Variants in MYO16 observed in about 807,000 individuals in gnomAD.
The protein encoded by MYO16 is myosin XVI, also known as unconventional myosin-XVI.
MYO16 carries 94 observed loss-of-function variants against 205.3 expected under a neutral mutation model. The ratio of observed to expected loss-of-function variants is 0.46; its 90% CI spans 0.39 to 0.54. The LOEUF (loss-of-function observed/expected upper bound fraction) is 0.54, where lower values mean the gene tolerates loss of function less well. Ranked by LOEUF, MYO16 falls within the 20% of genes least tolerant of loss-of-function variation. The pLI is 0.00. For synonymous variants in MYO16, 988 were observed against 954.0 expected (o/e 1.04, Z -0.66); for missense variants, 2,315 against 2,387.5 (o/e 0.97, Z 0.63).
At chr13:108,573,834 T>A in the MYO16 span, among the ~76,000 whole-genome samples, 2 of 152,142 alleles carry the variant, frequency 1.3e-5, no homozygotes, top group African/African-American at 4.8e-5. Flanking sequence ...TCATGAGCCC[T>A]GATGGTTGGA....
Position 108,881,635 on chromosome 13 carries a change from A to G in MYO16, c.1426-1424A>G, listed in dbSNP as rs370415783. On this transcript the variant is annotated intron_variant, in intron 12 of 34. Coordinates refer to ENST00000457511, the MANE Select transcript of MYO16 (RefSeq NM_001198950.3). ...TGGAGCTGAAAACCATGGCACGAGA[A>G]CTACGTGACTCATGCACAAGCTTCA... Among the ~76,000 whole-genome samples, 10 of 152,332 alleles carry G rather than the reference A, an allele frequency of 6.6e-5. No homozygotes were observed. The South Asian group carries it at 1.0e-3, about 16-fold the overall frequency.
chr13:108,850,303 G>A (rs1336394108), intron 10 of MYO16, among the ~76,000 whole-genome samples: 1 of 152,174 alleles, frequency 6.6e-6, no homozygotes, highest in Admixed American at 6.5e-5. Flanking sequence ...AGACAACATG[G>A]TAAAGCCCAT....
chr13:109,100,123 G>C (rs1888914583), intron 27 of MYO16, among the ~76,000 whole-genome samples: 1 of 152,020 alleles, frequency 6.6e-6, no homozygotes, highest in Non-Finnish European at 1.5e-5. Context: ...AAGTGCAAAG[G>C]GAATTTTACA....
chr13:109,164,422 C>T (rs531591181), intron 32 of MYO16, among the ~76,000 whole-genome samples: 3 of 152,194 alleles, frequency 2.0e-5, no homozygotes, highest in East Asian at 3.9e-4. Context: ...ATGCGGAAGT[C>T]GAGTATTGAA....
Position 109,055,268 on chromosome 13 carries a change from C to CAT in MYO16, c.3130-121_3130-120insTA, listed in dbSNP as rs976802649. 1.0e-6 allele frequency: 1 copy of CAT among 955,258 alleles called. No individual in the cohort carries two copies. The highest frequency in any genetic ancestry group is 1.6e-6 in the Non-Finnish European group (1 of 636,776). 59.2% of individuals were successfully genotyped at this position (955,258 alleles called of 1,614,324 possible). On this transcript the variant is annotated intron_variant, in intron 26 of 34. Coordinates refer to ENST00000457511, the MANE Select transcript of MYO16 (RefSeq NM_001198950.3). The surrounding 1 kb of genome is among the most constrained non-coding windows in gnomAD (Gnocchi z 5.0). ...ACATACACACACACACACACACACA[C>CAT]ACACACAGAGTAAATGCATAATGAG...
At chr13:108,580,694 C>G in the MYO16 span, among the ~76,000 whole-genome samples, 5 of 152,182 alleles carry the variant, frequency 3.3e-5, no homozygotes, top group African/African-American at 1.2e-4. Context: ...AAGCTCACAT[C>G]TCTACAGGTG....
chr13:108,766,116 A>C (rs1885769624), intron 4 of MYO16, among the ~76,000 whole-genome samples: 3 of 152,222 alleles, frequency 2.0e-5, no homozygotes, highest in African/African-American at 7.2e-5. Flanking sequence ...ATTATCTGCC[A>C]AAAATCTAGA....
At chr13:108,769,969 A>T (rs948236877) in intron 4 of MYO16, among the ~76,000 whole-genome samples, 4 of 152,224 alleles carry the variant, frequency 2.6e-5, no homozygotes, top group African/African-American at 9.6e-5. Flanking sequence ...TATGTATAAT[A>T]ATGTTATTTA....
intron 34 of MYO16, among the ~76,000 whole-genome samples, chr13:109,193,087 C>T (rs1345165584): frequency 6.6e-6 from 1 of 152,018 alleles, no homozygotes; most frequent in Non-Finnish European, 1.5e-5. Context: ...CTCCACCAAG[C>T]CACACTTCAT....
intron 4 of MYO16, among the ~76,000 whole-genome samples, chr13:108,733,680 G>C (rs376124240): frequency 1.2e-4 from 18 of 152,174 alleles, no homozygotes; most frequent in African/African-American, 3.9e-4. Flanking sequence ...ACACAGTAGA[G>C]GGCCGGGCGT....
At chr13:109,056,434 C>A (rs1887420871) in intron 27 of MYO16, among the ~76,000 whole-genome samples, 1 of 152,122 alleles carries the variant, frequency 6.6e-6, no homozygotes, top group Non-Finnish European at 1.5e-5. Context: ...AAATTATAAT[C>A]CTCACTGATG....
At position 108,940,093 on chromosome 13, in the gene MYO16, C is replaced by T. The variant is rs554018488; in HGVS notation, c.1926-17595C>T. Among the ~76,000 whole-genome samples the T allele has an allele frequency of 2.0e-5, 3 of 152,234 alleles. No homozygotes were observed. The East Asian group carries it at 5.8e-4, about 29-fold the overall frequency. ...AATTCACATATTGTACCTGTAAACT[C>T]TTCCCATGAAATTTCTGCTTGCTGA... On this transcript the variant is annotated intron_variant, in intron 16 of 34. Coordinates refer to ENST00000457511, the MANE Select transcript of MYO16 (RefSeq NM_001198950.3).
At chr13:108,586,948 T>A in the MYO16 span, among the ~76,000 whole-genome samples, 1 of 152,226 alleles carries the variant, frequency 6.6e-6, no homozygotes, top group Admixed American at 6.5e-5. Context: ...GTTTTCTTTG[T>A]TACCAAAAAC....
rs1433754366 is a variant in MYO16 at position 109,059,792 on chromosome 13, T to C, written c.3335+4197T>C. 2.6e-5 allele frequency among the ~76,000 whole-genome samples: 4 copies of C among 152,238 alleles called. No homozygotes were observed. The East Asian group carries it at 7.7e-4, about 29-fold the overall frequency. On this transcript the variant is annotated intron_variant, in intron 27 of 34. Coordinates refer to ENST00000457511, the MANE Select transcript of MYO16 (RefSeq NM_001198950.3). ...GATCCCATCTATCAATTTTGGCTTC[T>C]GTTGCAATTACTTTTGGTGTTTTAG...
the MYO16 span, among the ~76,000 whole-genome samples, chr13:108,520,130 C>G: frequency 6.6e-6 from 1 of 152,068 alleles, no homozygotes; most frequent in South Asian, 2.1e-4. Context: ...CCTCTCTCCT[C>G]TCCTTTTTCT....
chr13:108,784,568 A>C (rs1886401903), intron 4 of MYO16, among the ~76,000 whole-genome samples: 1 of 152,174 alleles, frequency 6.6e-6, no homozygotes, highest in South Asian at 2.1e-4. Context: ...GACTTGCTAA[A>C]GTATAGAAAA....
intron 9 of MYO16, among the ~76,000 whole-genome samples, chr13:108,829,101 G>T (rs1157997302): frequency 3.3e-5 from 5 of 152,168 alleles, no homozygotes; most frequent in Non-Finnish European, 7.3e-5. Context: ...CTTTTGGCTG[G>T]AATCTAAAAT....
At chr13:108,653,159 T>C (rs1566530178) in intron 1 of MYO16, among the ~76,000 whole-genome samples, 4 of 152,228 alleles carry the variant, frequency 2.6e-5, no homozygotes, top group African/African-American at 9.6e-5. Context: ...CATATCTTTA[T>C]ATGCTTGTTG....
At chr13:109,113,434 T>C (rs1163011211) in intron 28 of MYO16, among the ~76,000 whole-genome samples, 2 of 152,138 alleles carry the variant, frequency 1.3e-5, no homozygotes, top group Non-Finnish European at 2.9e-5. Flanking sequence ...CATTTGAACA[T>C]CATCCTGAAA....
Sources: gnomAD v4.1 joint callset for allele counts (sites outside exome capture counted in the v4.1 genomes callset) on GRCh38, gnomAD v4.1.1 for gene constraint, Gnocchi (gnomAD v3.1) non-coding constraint, MANE v1.5 for transcripts, NCBI Gene and HGNC (gene_info 2026-07-23, HGNC 2026-07-21) for gene names.